Variants in FRMPD4 observed in about 807,000 individuals in gnomAD.
The protein encoded by FRMPD4 is FERM and PDZ domain-containing protein 4.
FRMPD4 carries 22 observed loss-of-function variants against 94.1 expected under a neutral mutation model. The ratio of observed to expected loss-of-function variants is 0.23; its 90% confidence interval spans 0.17 to 0.33. The LOEUF is 0.33. Among genes scored for constraint, FRMPD4 ranks in the 10% least tolerant of loss-of-function variants. FRMPD4 has a pLI of 1.00. For missense variants in FRMPD4, 1,111 were observed against 1,339.9 expected (o/e 0.83, Z 2.67); for synonymous variants, 631 against 548.6 (o/e 1.15, Z -2.10).
chrX:12,291,859 C>T (rs1031961629), intron 1 of FRMPD4, among the ~76,000 whole-genome samples: 6 of 112,130 alleles, frequency 5.4e-5, no homozygotes, highest in Non-Finnish European at 9.4e-5. Context: ...ATCCTGCCAG[C>T]TTCTTCCTAA....
chrX:12,064,011 A>G, intron 3 of FRMPD4, among the ~76,000 whole-genome samples: 1 of 112,034 alleles, frequency 8.9e-6, no homozygotes, highest in Non-Finnish European at 1.9e-5. Flanking sequence ...AAATACTTGA[A>G]GTTTGTGGGC....
At chrX:11,973,181 T>C (rs1293148929) in intron 3 of FRMPD4, among the ~76,000 whole-genome samples, 3 of 112,736 alleles carry the variant, frequency 2.7e-5, no homozygotes, top group Non-Finnish European at 5.6e-5. Flanking sequence ...TCTCTTTTGT[T>C]GAAAGAAACA....
At chrX:12,522,084 T>C (rs1288304425) in intron 2 of FRMPD4, among the ~76,000 whole-genome samples, 1 of 106,070 alleles carries the variant, frequency 9.4e-6, no homozygotes, top group Non-Finnish European at 1.9e-5. Context: ...ATAATGACTT[T>C]GTTCTTTATG....
intron 4 of FRMPD4, among the ~76,000 whole-genome samples, chrX:12,645,347 CTTTTT>C (rs138817056): frequency 5.9e-4 from 33 of 55,642 alleles, no homozygotes; most frequent in African/African-American, 1.6e-3. Flanking sequence ...CACTCTCACT[CTTTTT>C]TTTTTTTTTT....
rs201818603 is a variant in FRMPD4 at position 12,053,326 on chromosome X, AAAAG to A, written c.95+175329_95+175332del. 3.9e-3 allele frequency among the ~76,000 whole-genome samples: 395 copies of A among 101,090 alleles called. 4 individuals carry two copies. The highest frequency in any genetic ancestry group is 0.012 in the African/African-American group (338 of 27,343). 87.8% of individuals were successfully genotyped at this position (101,090 alleles called of 115,157 possible). ...TGTATTCCAGCCTGGGTGACAGAAA[AAAAG>A]AAAGAAAGAAAGAAAGAAAGGAAAG... On this transcript the variant is annotated intron_variant, in intron 3 of 18. Transcript: ENST00000640291.
chrX:12,169,104 A>G (rs2056177195), intron 1 of FRMPD4, among the ~76,000 whole-genome samples: 1 of 112,352 alleles, frequency 8.9e-6, no homozygotes, highest in South Asian at 3.7e-4. Flanking sequence ...GAGAATAATA[A>G]ATAGGCTAGA....
At chrX:12,424,450 C>A (rs966427878) in intron 1 of FRMPD4, among the ~76,000 whole-genome samples, 1 of 112,650 alleles carries the variant, frequency 8.9e-6, no homozygotes, top group African/African-American at 3.2e-5. Flanking sequence ...TTTCTCTTGG[C>A]ACAAAAGAGT....
chrX:12,171,829 G>A (rs1191293058), intron 1 of FRMPD4, among the ~76,000 whole-genome samples: 1 of 111,960 alleles, frequency 8.9e-6, no homozygotes, highest in Non-Finnish European at 1.9e-5. Flanking sequence ...GATGAAAGAA[G>A]AGACTGACAA....
chrX:12,071,807 A>C (rs908371031), intron 3 of FRMPD4, among the ~76,000 whole-genome samples: 1 of 110,904 alleles, frequency 9.0e-6, no homozygotes, highest in Non-Finnish European at 1.9e-5. Context: ...CACCCTTACC[A>C]GCCAAAGGAA....
intron 2 of FRMPD4, among the ~76,000 whole-genome samples, chrX:12,579,810 A>C (rs912822033): frequency 2.7e-5 from 3 of 111,781 alleles, no homozygotes; most frequent in African/African-American, 9.8e-5. Flanking sequence ...AAGAAAACCG[A>C]AAAGACTTTC....
intron 1 of FRMPD4, among the ~76,000 whole-genome samples, chrX:12,393,301 G>A (rs1419838937): frequency 1.8e-5 from 2 of 111,520 alleles, no homozygotes; most frequent in South Asian, 7.5e-4. Context: ...AATTCTTTCT[G>A]TTACTTCAGG....
At chrX:12,281,519 T>C (rs2054525802) in intron 1 of FRMPD4, among the ~76,000 whole-genome samples, 1 of 110,215 alleles carries the variant, frequency 9.1e-6, no homozygotes, top group Non-Finnish European at 1.9e-5. Context: ...GGTTTACAGG[T>C]GTGTGCCACC....
chrX:11,917,689 C>A (rs1330390435), intron 3 of FRMPD4, among the ~76,000 whole-genome samples: 1 of 110,809 alleles, frequency 9.0e-6, no homozygotes, highest in Non-Finnish European at 1.9e-5. Context: ...ACAATGGGTA[C>A]ACATGGACAT....
intron 4 of FRMPD4, among the ~76,000 whole-genome samples, chrX:12,667,087 T>C (rs753112654): frequency 8.9e-6 from 1 of 112,429 alleles, no homozygotes; most frequent in Non-Finnish European, 1.9e-5. Context: ...TAAATAAAAA[T>C]ACTGCACATC....
intron 1 of FRMPD4, among the ~76,000 whole-genome samples, chrX:12,270,716 G>C (rs1368543160): frequency 9.0e-6 from 1 of 111,369 alleles, no homozygotes; most frequent in Non-Finnish European, 1.9e-5. Context: ...CATTTCTATC[G>C]TATTCACTTA....
At chrX:12,240,267 A>G (rs1364906417) in intron 1 of FRMPD4, among the ~76,000 whole-genome samples, 1 of 111,916 alleles carries the variant, frequency 8.9e-6, no homozygotes, top group Non-Finnish European at 1.9e-5. Flanking sequence ...GGCAACCTCT[A>G]TTCTAGAGGC....
At chrX:12,211,123 C>T (rs1197029943) in intron 1 of FRMPD4, among the ~76,000 whole-genome samples, 1 of 112,221 alleles carries the variant, frequency 8.9e-6, no homozygotes, top group Non-Finnish European at 1.9e-5. Context: ...GTTGGACTGA[C>T]TGGCATTTTT....
intron 6 of FRMPD4, among the ~76,000 whole-genome samples, chrX:12,684,150 A>T (rs924370144): frequency 8.9e-6 from 1 of 112,166 alleles, no homozygotes; most frequent in African/African-American, 3.2e-5. Flanking sequence ...AATCATGATT[A>T]CTCAGGCAAT....
intron 1 of FRMPD4, among the ~76,000 whole-genome samples, chrX:12,421,638 G>C (rs2056884710): frequency 9.2e-6 from 1 of 109,125 alleles, no homozygotes; most frequent in Non-Finnish European, 1.9e-5. Flanking sequence ...GTGTGCCTGT[G>C]GTCCCAGCTA....
Sources: allele counts gnomAD v4.1 joint callset (sites outside exome capture counted in the v4.1 genomes callset), GRCh38; gene constraint gnomAD v4.1.1; transcripts MANE v1.5; gene names NCBI Gene and HGNC (gene_info 2026-07-23, HGNC 2026-07-21).